Variants in FTO observed in about 807,000 individuals in gnomAD.
The protein encoded by FTO is alpha-ketoglutarate-dependent dioxygenase FTO.
FTO carries 47 observed loss-of-function variants against 63.9 expected under a neutral mutation model. The ratio of observed to expected loss-of-function variants is 0.74; its 90% CI spans 0.58 to 0.94. The LOEUF (loss-of-function observed/expected upper bound fraction) is 0.94. Ranked by LOEUF, FTO falls within the 40% of genes least tolerant of loss-of-function variation. FTO has a pLI of 0.00. For missense variants in FTO, 562 were observed against 618.1 expected (o/e 0.91, Z 0.96); for synonymous variants, 207 against 224.4 (o/e 0.92, Z 0.69).
At chr16:53,931,871 A>AACAC (rs35135177) in intron 7 of FTO, among the ~76,000 whole-genome samples, 19,770 of 145,662 alleles carry the variant, frequency 0.14, 1,373 homozygotes, top group Middle Eastern at 0.19. Context: ...TTTTACATTA[A>AACAC]ACACACACAC....
At chr16:53,876,498 A>ACT (rs1353219891) in intron 5 of FTO, among the ~76,000 whole-genome samples, 1 of 152,210 alleles carries the variant, frequency 6.6e-6, no homozygotes, top group Non-Finnish European at 1.5e-5. Flanking sequence ...AGTGTAGAGG[A>ACT]CCCATGGAAT....
intron 1 of FTO, among the ~76,000 whole-genome samples, chr16:53,790,097 A>G (rs2077867891): frequency 6.6e-6 from 1 of 150,448 alleles, no homozygotes; most frequent in African/African-American, 2.4e-5. Context: ...TACTATATGT[A>G]TTTTTAATTG....
intron 6 of FTO, among the ~76,000 whole-genome samples, chr16:53,888,288 C>G (rs986254824): frequency 1.3e-5 from 2 of 150,182 alleles, no homozygotes; most frequent in Non-Finnish European, 3.0e-5. Flanking sequence ...ACTGCAGCCT[C>G]AAACTCCTAG....
chr16:53,823,150 T>C (rs1462888408), intron 2 of FTO, among the ~76,000 whole-genome samples: 4 of 152,202 alleles, frequency 2.6e-5, no homozygotes, highest in Non-Finnish European at 5.9e-5. Context: ...AGATTGCTCG[T>C]GTCATTGCCA....
chr16:53,719,253 C>CTTTTTTTT (rs10527186), intron 1 of FTO, among the ~76,000 whole-genome samples: 13 of 135,640 alleles, frequency 9.6e-5, no homozygotes, highest in South Asian at 2.6e-4. Flanking sequence ...TCTTCTTCTT[C>CTTTTTTTT]TTTTTTTTTT....
chr16:53,795,123 A>G (rs529452691), intron 1 of FTO, among the ~76,000 whole-genome samples: 4 of 152,298 alleles, frequency 2.6e-5, no homozygotes, highest in East Asian at 1.9e-4. Context: ...AACGACATGA[A>G]AAAGAACCAG....
chr16:53,784,573 G>T (rs988789447), intron 1 of FTO, among the ~76,000 whole-genome samples: 2 of 152,082 alleles, frequency 1.3e-5, no homozygotes, highest in African/African-American at 4.8e-5. Context: ...GGCTCCTCTG[G>T]GTGGGACTTG....
At chr16:53,875,156 C>A (rs1395008704) in intron 5 of FTO, among the ~76,000 whole-genome samples, 5 of 147,736 alleles carry the variant, frequency 3.4e-5, no homozygotes, top group Non-Finnish European at 7.6e-5. Context: ...CTAATATGTG[C>A]CTTGTATTAT....
At chr16:53,766,025 A>C (rs1262378828) in intron 1 of FTO, among the ~76,000 whole-genome samples, 1 of 152,060 alleles carries the variant, frequency 6.6e-6, no homozygotes, top group East Asian at 1.9e-4. Context: ...AGAATTAGGG[A>C]GAAATATTGG....
chr16:53,725,064 T>C (rs1331693438), intron 1 of FTO, among the ~76,000 whole-genome samples: 1 of 152,258 alleles, frequency 6.6e-6, no homozygotes, highest in African/African-American at 2.4e-5. Context: ...ACTTTTGTTC[T>C]GTATTATCCT....
At chr16:53,906,413 A>G (rs2081541809) in intron 7 of FTO, among the ~76,000 whole-genome samples, 1 of 151,946 alleles carries the variant, frequency 6.6e-6, no homozygotes, top group Non-Finnish European at 1.5e-5. Flanking sequence ...AATGAACAGG[A>G]AGGCTCCCTC....
Position 53,914,260 on chromosome 16 carries a change from C to CTT in FTO, c.1240-19715_1240-19714dup, listed in dbSNP as rs57500134. On this transcript the variant is annotated intron_variant, in intron 7 of 8. Transcript: ENST00000471389. Reference sequence around the variant, plus strand: ...AATACTTCTTCTTTCTTTCTTTTTTCTTTTTTTTTTTGTCCTGTTTCAAAT... The same window carrying CTT: ...AATACTTCTTCTTTCTTTCTTTTTTCTTTTTTTTTTTTTGTCCTGTTTCAAAT... Among the ~76,000 whole-genome samples the CTT allele has an allele frequency of 2.2e-4, 32 of 144,444 alleles. 1 individual carries two copies. Among genetic ancestry groups the CTT allele is most frequent in the Middle Eastern group, 3.5e-3 (1 of 288 alleles). The allele number at this position is 144,444 out of a possible 152,430, so 94.8% of individuals were successfully genotyped here.
chr16:53,786,342 C>T (rs913606992), intron 1 of FTO, among the ~76,000 whole-genome samples: 1 of 152,120 alleles, frequency 6.6e-6, no homozygotes, highest in Non-Finnish European at 1.5e-5. Flanking sequence ...CATGGTGGTA[C>T]GCTGCTATGG....
chr16:53,738,076 A>G (rs1368552506), intron 1 of FTO, among the ~76,000 whole-genome samples: 4 of 128,354 alleles, frequency 3.1e-5, no homozygotes, highest in African/African-American at 1.2e-4. Flanking sequence ...CCCAGGCTGG[A>G]GTGCAATGGC....
chr16:53,985,068 GTTACCTGT>G (rs1288467641), intron 8 of FTO: 9 of 444,006 alleles, frequency 2.0e-5, no homozygotes, highest in Non-Finnish European at 3.6e-5. Flanking sequence ...GTGGTACAAG[GTTACCTGT>G]TTGTTCCAGT....
intron 8 of FTO, among the ~76,000 whole-genome samples, chr16:54,016,822 G>A (rs1338111724): frequency 6.6e-6 from 1 of 152,150 alleles, no homozygotes; most frequent in African/African-American, 2.4e-5. Flanking sequence ...GTGACATAGA[G>A]ACACCTGGCT....
chr16:53,769,624 C>T (rs2077287405), intron 1 of FTO, among the ~76,000 whole-genome samples: 1 of 152,094 alleles, frequency 6.6e-6, no homozygotes, highest in Non-Finnish European at 1.5e-5. Context: ...CTATGAGACA[C>T]TACAGGCATT....
At chr16:53,873,585 C>T (rs761225992) in intron 4 of FTO, among the ~76,000 whole-genome samples, 14 of 149,960 alleles carry the variant, frequency 9.3e-5, no homozygotes, top group Non-Finnish European at 1.8e-4. Context: ...TAAGTAGATA[C>T]GCATATAATG....
At chr16:53,790,176 G>C (rs1035672370) in intron 1 of FTO, among the ~76,000 whole-genome samples, 2 of 151,248 alleles carry the variant, frequency 1.3e-5, no homozygotes, top group Non-Finnish European at 2.9e-5. Flanking sequence ...TTAACAAGTG[G>C]TATTAAGTTC....
Sources: gnomAD v4.1 joint callset for allele counts (sites outside exome capture counted in the v4.1 genomes callset) on GRCh38, gnomAD v4.1.1 for gene constraint, MANE v1.5 for transcripts, NCBI Gene and HGNC (gene_info 2026-07-23, HGNC 2026-07-21) for gene names.